Variants in PRKDC observed in about 807,000 individuals in gnomAD.
PRKDC encodes DNA-dependent protein kinase catalytic subunit.
PRKDC carries 82 observed loss-of-function variants against 486.9 expected under a neutral mutation model. The ratio of observed to expected loss-of-function variants is 0.17; its 90% CI spans 0.14 to 0.20. PRKDC has a LOEUF of 0.20. PRKDC is among the 10% of genes least tolerant of loss of function. PRKDC has a pLI of 1.00. For missense variants in PRKDC, 4,504 were observed against 5,038.2 expected (o/e 0.89, Z 3.21); for synonymous variants, 1,895 against 1,837.0 (o/e 1.03, Z -0.81).
In PRKDC at chr8:47,872,133, G is replaced by C. The variant is rs183254152; in HGVS notation, c.5363+5591C>G. 2.0e-3 allele frequency among the ~76,000 whole-genome samples: 303 copies of C among 152,256 alleles called. 1 individual carries two copies. The highest frequency in any genetic ancestry group is 7.0e-3 in the African/African-American group (289 of 41,554). Reference sequence around the variant, plus strand: ...GAAACAGCAAAACGTTTAAAAAGCGGAAGATGAGATTAAAGTGTATAATTT... The same window carrying C: ...GAAACAGCAAAACGTTTAAAAAGCGCAAGATGAGATTAAAGTGTATAATTT... On this transcript the variant is annotated intron_variant, in intron 40 of 85. Coordinates refer to ENST00000314191, the MANE Select transcript of PRKDC (RefSeq NM_006904.7).
At chr8:47,914,704 G>A (rs1482029223) in intron 23 of PRKDC, among the ~76,000 whole-genome samples, 1 of 151,994 alleles carries the variant, frequency 6.6e-6, no homozygotes, top group East Asian at 1.9e-4. Context: ...AGGAGCCTGA[G>A]GCAGGAGAAT....
chr8:47,871,843 G>A (rs1349905314), intron 40 of PRKDC, among the ~76,000 whole-genome samples: 1 of 151,704 alleles, frequency 6.6e-6, no homozygotes, highest in South Asian at 2.1e-4. Flanking sequence ...CACCAGCCTC[G>A]GCCTCCCAAA....
intron 40 of PRKDC, among the ~76,000 whole-genome samples, chr8:47,873,687 A>G (rs1213221727): frequency 6.6e-6 from 1 of 152,200 alleles, no homozygotes; most frequent in Non-Finnish European, 1.5e-5. Flanking sequence ...AAAAGGAATG[A>G]GATACTGTCA....
intron 20 of PRKDC, 143 bp downstream of exon 20, chr8:47,927,628 T>A: frequency 8.9e-7 from 1 of 1,124,950 alleles, no homozygotes; most frequent in Non-Finnish European, 1.2e-6. Flanking sequence ...CCAAAGCCAG[T>A]AAGTGGCAGA....
Position 47,831,912 on chromosome 8 carries a change from T to TCCGG in PRKDC, c.8163_8166dup (p.Thr2723ProfsTer29). 6.2e-7 allele frequency: 1 copy of TCCGG among 1,612,538 alleles called. No homozygotes were observed. The highest frequency in any genetic ancestry group is 8.5e-7 in the Non-Finnish European group (1 of 1,178,778). Reference sequence around the variant, plus strand: ...CGTCTGCGCAGTCGTAGTAGGTCCGTCCGGCCGGCCGCACCTGGAGAGGGA... The same window carrying TCCGG: ...CGTCTGCGCAGTCGTAGTAGGTCCGTCCGGCCGGCCGGCCGCACCTGGAGAGGGA... On this transcript the variant is annotated frameshift_variant, in exon 60 of 86. Coordinates refer to ENST00000314191, the MANE Select transcript of PRKDC (RefSeq NM_006904.7). LOFTEE classifies it high-confidence loss of function.
At chr8:47,888,486 A>T in intron 34 of PRKDC, 32 bp downstream of exon 34, 2 of 1,477,114 alleles carry the variant, frequency 1.4e-6, no homozygotes, top group East Asian at 5.0e-5. Context: ...ACTAAAGCTA[A>T]AATAAATGTA....
At position 47,915,435 on chromosome 8, in the gene PRKDC, T is replaced by C; in HGVS notation, c.2527-17A>G. ...TGCTTCGTTCTGTAAATTTGAACAA[T>C]TGTATATATGTGATTACAAATGGGT... On this transcript the variant is annotated splice_polypyrimidine_tract_variant and intron_variant, in intron 22 of 85. Coordinates refer to ENST00000314191, the MANE Select transcript of PRKDC (RefSeq NM_006904.7). 1.4e-6 allele frequency: 2 copies of C among 1,389,724 alleles called. No individual in the cohort carries two copies. The highest frequency in any genetic ancestry group is 2.0e-6 in the Non-Finnish European group (2 of 1,003,130). The allele number at this position is 1,389,724 out of a possible 1,614,324, so 86.1% of individuals were successfully genotyped here.
At chr8:47,788,340 G>C (rs2086827494) in intron 76 of PRKDC, among the ~76,000 whole-genome samples, 1 of 152,238 alleles carries the variant, frequency 6.6e-6, no homozygotes, top group South Asian at 2.1e-4. Flanking sequence ...GCTGACTGCA[G>C]TCTACTTGCT....
chr8:47,894,233 C>T (rs979659993), intron 30 of PRKDC, among the ~76,000 whole-genome samples: 6 of 151,916 alleles, frequency 3.9e-5, no homozygotes, highest in Admixed American at 6.6e-5. Context: ...GCCAAGATCA[C>T]GCCACTGCAT....
intron 16 of PRKDC, among the ~76,000 whole-genome samples, chr8:47,932,490 T>C (rs747445448): frequency 8.5e-5 from 13 of 152,212 alleles, no homozygotes; most frequent in Non-Finnish European, 1.9e-4. Context: ...GTCCTGGGAT[T>C]ACAGGTTTCA....
chr8:47,855,556 G>A (rs750879452), intron 49 of PRKDC, among the ~76,000 whole-genome samples, 183 bp from the exon 50 acceptor site: 14 of 152,174 alleles, frequency 9.2e-5, no homozygotes, highest in Non-Finnish European at 2.1e-4. Flanking sequence ...ACCAGGCACC[G>A]CCGGCGCTGC....
intron 21 of PRKDC, among the ~76,000 whole-genome samples, chr8:47,922,467 G>C (rs1004307451): frequency 9.5e-6 from 1 of 105,808 alleles, no homozygotes; most frequent in Non-Finnish European, 1.7e-5. Flanking sequence ...GCGATATTTC[G>C]TCTCAAAAAA....
chr8:47,883,972 C>T (rs1379533266), intron 36 of PRKDC, among the ~76,000 whole-genome samples: 1 of 152,224 alleles, frequency 6.6e-6, no homozygotes, highest in Non-Finnish European at 1.5e-5. Flanking sequence ...GGCTATGATG[C>T]CTGCATCTTT....
In PRKDC at chr8:47,818,657, T is replaced by A. The variant is rs185140089; in HGVS notation, c.9445+745A>T. ...ATAGCTCCTGAAAGTAGAATGCACT[T>A]AATAAATGATACGTCATTAATATGA... is the stretch of plus-strand genomic sequence containing the variant. On this transcript the variant is annotated intron_variant, in intron 67 of 85. Coordinates refer to ENST00000314191, the MANE Select transcript of PRKDC (RefSeq NM_006904.7). Among the ~76,000 whole-genome samples, 598 of 151,500 alleles carry A rather than the reference T, an allele frequency of 3.9e-3. 4 individuals are homozygous for A. The highest frequency in any genetic ancestry group is 0.025 in the South Asian group (120 of 4,804).
Position 47,782,174 on chromosome 8 carries a change from G to A in PRKDC, c.11477C>T (p.Ala3826Val), listed in dbSNP as rs773802444. 80 of 1,613,658 alleles carry A rather than the reference G, an allele frequency of 5.0e-5. No individual in the cohort carries two copies. Among genetic ancestry groups the A allele is most frequent in the Non-Finnish European group, 6.7e-5 (79 of 1,179,690 alleles). The change falls in exon 80 of 86, where the codon GCG becomes GTG. Residue 3826 changes from alanine (A) to valine (V), a missense_variant. Around this residue, in one of 6 missense-constraint regions of PRKDC, gnomAD observed 706 missense variants for 945.0 expected, o/e 0.75. Transcript: ENST00000314191. This position sits in a 1 kb window ranked among gnomAD's most constrained non-coding sequence, Gnocchi z 4.9. ...TGGCCGCCCTTACCTCAGGTAAGCC[G>A]CCTTCTCCTCTTGGGACATGGTGTT... ...LLNTMSQEEK[A>V]AYLSDPRAPP...
chr8:47,856,133 G>T (rs1394027812), intron 49 of PRKDC, among the ~76,000 whole-genome samples: 1 of 152,080 alleles, frequency 6.6e-6, no homozygotes, highest in African/African-American at 2.4e-5. Flanking sequence ...CTAAGACAAA[G>T]AAATCTAAAT....
intron 43 of PRKDC, 89 bp from the exon 44 acceptor site, chr8:47,862,216 T>A (rs1394874171): frequency 7.3e-7 from 1 of 1,378,680 alleles, no homozygotes; most frequent in African/African-American, 1.5e-5. Context: ...ATGTAATAGC[T>A]CATGGAAAAG....
At chr8:47,803,778 C>T (rs940931495) in intron 69 of PRKDC, among the ~76,000 whole-genome samples, 4 of 151,914 alleles carry the variant, frequency 2.6e-5, no homozygotes, top group East Asian at 3.9e-4. Flanking sequence ...GGTAAGACCC[C>T]GTCTCTAAAA....
intron 31 of PRKDC, among the ~76,000 whole-genome samples, chr8:47,892,241 T>G (rs1458163266): frequency 6.6e-6 from 1 of 152,202 alleles, no homozygotes; most frequent in Non-Finnish European, 1.5e-5. Context: ...TTTTACATTT[T>G]ATGTGTAATA....
Sources: gnomAD v4.1 joint callset for allele counts (sites outside exome capture counted in the v4.1 genomes callset) on GRCh38, gnomAD v4.1.1 for gene constraint, gnomAD v4.1.1 regional missense constraint, Gnocchi (gnomAD v3.1) non-coding constraint, MANE v1.5 for transcripts, NCBI Gene and HGNC (gene_info 2026-07-23, HGNC 2026-07-21) for gene names.